TRERF1: variants seen among roughly 807,000 people sequenced by gnomAD.
TRERF1 encodes the protein transcriptional regulating factor 1, also known as transcriptional-regulating factor 1.
In TRERF1, 27 loss-of-function variants were observed where a neutral mutation model predicts 122.9. That is an observed-to-expected ratio of 0.22 (90% CI 0.16 to 0.30). The LOEUF (loss-of-function observed/expected upper bound fraction) is 0.30. TRERF1 is among the 10% of genes least tolerant of loss of function. TRERF1 has a pLI of 1.00. For missense variants in TRERF1, 1,248 were observed against 1,560.3 expected (o/e 0.80, Z 3.37); for synonymous variants, 636 against 641.7 (o/e 0.99, Z 0.13).
chr6:42,382,087 GGTGAGGA>G (rs1184024839), intron 2 of TRERF1, among the ~76,000 whole-genome samples: 1 of 151,658 alleles, frequency 6.6e-6, no homozygotes, highest in Non-Finnish European at 1.5e-5. Flanking sequence ...ATAATGAACA[GGTGAGGA>G]GTGAGGAGTG....
chr6:42,330,925 C>T (rs1765132041), intron 3 of TRERF1, among the ~76,000 whole-genome samples: 1 of 152,174 alleles, frequency 6.6e-6, no homozygotes, highest in African/African-American at 2.4e-5. Flanking sequence ...GAGATCCACC[C>T]GCCTCGACCT....
rs141218516 is a variant in TRERF1 at position 42,252,336 on chromosome 6, T to A, written c.2656+2515A>T. 6.1e-3 allele frequency among the ~76,000 whole-genome samples: 923 copies of A among 152,344 alleles called. 9 individuals are homozygous for A. Among genetic ancestry groups the A allele is most frequent in the African/African-American group, 0.02 (844 of 41,578 alleles). On this transcript the variant is annotated intron_variant, in intron 13 of 17. Transcript: ENST00000372922. ...GAGTAAAGTAAGGAAGTGATTTTCGTAGGCCTGTGTCTTTGTCTTTCTCCC... is the reference window on the plus strand; with the variant it reads ...GAGTAAAGTAAGGAAGTGATTTTCGAAGGCCTGTGTCTTTGTCTTTCTCCC...
intron 4 of TRERF1, among the ~76,000 whole-genome samples, chr6:42,293,981 G>T (rs930829682): frequency 3.9e-5 from 6 of 152,024 alleles, no homozygotes; most frequent in African/African-American, 1.4e-4. Context: ...CTTGGGCCAG[G>T]ATATCAGGAT....
chr6:42,424,006 T>C (rs999166846), intron 2 of TRERF1, among the ~76,000 whole-genome samples: 2 of 152,260 alleles, frequency 1.3e-5, no homozygotes, highest in Non-Finnish European at 2.9e-5. Flanking sequence ...AGTCTTGTTT[T>C]TCTAAATTCA....
At chr6:42,233,570 C>A (rs921813774) in intron 16 of TRERF1, among the ~76,000 whole-genome samples, 1 of 152,180 alleles carries the variant, frequency 6.6e-6, no homozygotes, top group African/African-American at 2.4e-5. Flanking sequence ...CAGGCGTGAG[C>A]CACCACGCCT....
intron 15 of TRERF1, among the ~76,000 whole-genome samples, chr6:42,242,652 G>A (rs7764263): frequency 0.25 from 38,046 of 152,020 alleles, 6,285 homozygotes; most frequent in African/African-American, 0.47. Context: ...TCTTTGGTAC[G>A]TACTTAATGT....
intron 2 of TRERF1, among the ~76,000 whole-genome samples, chr6:42,435,764 A>C (rs544370810): frequency 6.6e-6 from 1 of 151,950 alleles, no homozygotes; most frequent in Non-Finnish European, 1.5e-5. Context: ...TCACGAGGTC[A>C]AGAGATCGAG....
intron 4 of TRERF1, among the ~76,000 whole-genome samples, chr6:42,272,282 A>T (rs1333755302): frequency 6.6e-6 from 1 of 152,124 alleles, no homozygotes; most frequent in African/African-American, 2.4e-5. Context: ...CTGAACTATG[A>T]GAGAAAGAGA....
intron 2 of TRERF1, among the ~76,000 whole-genome samples, chr6:42,413,921 T>A (rs990309424): frequency 6.6e-6 from 1 of 152,138 alleles, no homozygotes; most frequent in Non-Finnish European, 1.5e-5. Flanking sequence ...AAGCCAAAAG[T>A]TGGCCCTTTG....
At chr6:42,295,061 G>T (rs978181107) in intron 4 of TRERF1, among the ~76,000 whole-genome samples, 1 of 152,140 alleles carries the variant, frequency 6.6e-6, no homozygotes, top group Non-Finnish European at 1.5e-5. Context: ...ATGCAAACAG[G>T]CTTGGCCACT....
intron 2 of TRERF1, among the ~76,000 whole-genome samples, chr6:42,404,588 G>A (rs1320261541): frequency 6.6e-6 from 1 of 152,016 alleles, no homozygotes; most frequent in Non-Finnish European, 1.5e-5. Context: ...CACCCAGCCT[G>A]AGGGCCTCTG....
chr6:42,374,136 T>A (rs1370310139), intron 2 of TRERF1, among the ~76,000 whole-genome samples: 3 of 131,224 alleles, frequency 2.3e-5, no homozygotes, highest in Admixed American at 7.7e-5. Context: ...TGTCTTTTTT[T>A]TAAAAAAAAA....
intron 2 of TRERF1, among the ~76,000 whole-genome samples, chr6:42,415,735 C>G (rs566807122): frequency 1.3e-5 from 2 of 152,226 alleles, no homozygotes; most frequent in Non-Finnish European, 1.5e-5. Context: ...CCAATTAGTA[C>G]CAAGTGATCT....
At chr6:42,367,631 A>G (rs897005830) in intron 2 of TRERF1, among the ~76,000 whole-genome samples, 1 of 152,100 alleles carries the variant, frequency 6.6e-6, no homozygotes, top group African/African-American at 2.4e-5. Flanking sequence ...CCTCACCCCA[A>G]GCATGGGAGG....
chr6:42,387,122 T>A (rs571489745), intron 2 of TRERF1, among the ~76,000 whole-genome samples: 6 of 152,300 alleles, frequency 3.9e-5, no homozygotes, highest in East Asian at 3.9e-4. Flanking sequence ...TTTAAAAAAA[T>A]TTTTTTGCTG....
chr6:42,256,800 A>G, exon 12 of TRERF1: 1 of 1,614,240 alleles, frequency 6.2e-7, no homozygotes, highest in Non-Finnish European at 8.5e-7. Flanking sequence ...CTGGCAATGC[A>G]CTGGAACAGC....
intron 4 of TRERF1, among the ~76,000 whole-genome samples, chr6:42,284,501 GA>G (rs1782849801): frequency 6.6e-6 from 1 of 152,250 alleles, no homozygotes; most frequent in Non-Finnish European, 1.5e-5. Context: ...AGCTGAGGTA[GA>G]ACAAGGTGAC....
intron 3 of TRERF1, among the ~76,000 whole-genome samples, chr6:42,353,053 T>C (rs1347431390): frequency 6.6e-6 from 1 of 152,148 alleles, no homozygotes; most frequent in Non-Finnish European, 1.5e-5. Flanking sequence ...TGTAAACTCA[T>C]CACTTTGTAG....
intron 14 of TRERF1, 30 bp from the exon 15 acceptor site, chr6:42,243,391 C>A: frequency 6.7e-7 from 1 of 1,482,900 alleles, no homozygotes; most frequent in South Asian, 1.1e-5. Flanking sequence ...AAGGTTAGCT[C>A]CAGCAATGGG....
Sources: allele counts gnomAD v4.1 joint callset (sites outside exome capture counted in the v4.1 genomes callset), GRCh38; gene constraint gnomAD v4.1.1; transcripts MANE v1.5; gene names NCBI Gene and HGNC (gene_info 2026-07-23, HGNC 2026-07-21).